CCAR1: variants seen among roughly 807,000 people sequenced by gnomAD.
CCAR1 encodes cell division cycle and apoptosis regulator protein 1.
Under a neutral mutation model 163.8 loss-of-function variants are expected in CCAR1, and 78 were observed. That is an observed-to-expected ratio of 0.48 (90% CI 0.40 to 0.57). The LOEUF is 0.57. CCAR1 is among the 20% of genes least tolerant of loss of function. The pLI is 0.00. For missense variants in CCAR1, 1,019 were observed against 1,365.2 expected, an observed-to-expected ratio of 0.75 and a Z score of 4.00; for synonymous variants, 443 against 460.7, an observed-to-expected ratio of 0.96 and a Z score of 0.49.
At chr10:68,766,417 G>A (rs942159654) in intron 17 of CCAR1, among the ~76,000 whole-genome samples, 16 of 151,868 alleles carry the variant, frequency 1.1e-4, no homozygotes, top group Non-Finnish European at 4.4e-5. Flanking sequence ...TGGCCAGCCT[G>A]GTCTCGAACT....
At chr10:68,768,188 G>C (rs1480405568) in intron 17 of CCAR1, among the ~76,000 whole-genome samples, 1 of 152,116 alleles carries the variant, frequency 6.6e-6, no homozygotes, top group Non-Finnish European at 1.5e-5. Flanking sequence ...ATGCTTATTG[G>C]TGTTTAAAAC....
intron 15 of CCAR1, chr10:68,759,352 C>T (rs1342356616): frequency 6.5e-6 from 1 of 152,990 alleles, no homozygotes; most frequent in African/African-American, 2.4e-5. Context: ...AAGCTGGAGC[C>T]TGCAGTGAAC....
chr10:68,789,633 G>T, intron 23 of CCAR1, 77 bp from the exon 24 acceptor site: 3 of 847,058 alleles, frequency 3.5e-6, no homozygotes, highest in Non-Finnish European at 5.5e-6. Flanking sequence ...TATTTTCACA[G>T]CTTAAATATT....
intron 5 of CCAR1, among the ~76,000 whole-genome samples, chr10:68,741,428 C>T (rs2056182748): frequency 6.6e-6 from 1 of 152,130 alleles, no homozygotes; most frequent in Non-Finnish European, 1.5e-5. Flanking sequence ...TTGTATCTTT[C>T]ACATACTCTT....
At chr10:68,728,535 C>A (rs1267793132) in intron 2 of CCAR1, among the ~76,000 whole-genome samples, 1 of 152,170 alleles carries the variant, frequency 6.6e-6, no homozygotes, top group Non-Finnish European at 1.5e-5. Flanking sequence ...AGGCTATTGC[C>A]AGGAGCACTA....
chr10:68,750,357 GATT>G (rs1319139679), intron 10 of CCAR1, among the ~76,000 whole-genome samples: 1 of 151,832 alleles, frequency 6.6e-6, no homozygotes, highest in Non-Finnish European at 1.5e-5. Flanking sequence ...TAGTAGCTGG[GATT>G]ACAGGTGCTC....
chr10:68,762,355 CAAAAA>C (rs11292488), intron 16 of CCAR1, among the ~76,000 whole-genome samples: 1 of 150,428 alleles, frequency 6.6e-6, no homozygotes, highest in Non-Finnish European at 1.5e-5. Flanking sequence ...AAAAAACAAA[CAAAAA>C]AAAAACAGTT....
Position 68,736,260 on chromosome 10 carries a change from A to T in CCAR1, c.74-616A>T, listed in dbSNP as rs114678743. 3.0e-3 allele frequency among the ~76,000 whole-genome samples: 457 copies of T among 152,334 alleles called. 1 individual carries two copies. The highest frequency in any genetic ancestry group is 0.011 in the African/African-American group (442 of 41,570). ...AATACCAAAGTTTTATAGATAATAT[A>T]TATAAAGTCTTGATGTATATATATG... On this transcript the variant is annotated intron_variant, in intron 2 of 24. Transcript: ENST00000265872.
At chr10:68,728,417 C>G (rs1054602812) in intron 2 of CCAR1, among the ~76,000 whole-genome samples, 1 of 151,410 alleles carries the variant, frequency 6.6e-6, no homozygotes, top group African/African-American at 2.4e-5. Flanking sequence ...CACTTTGTTG[C>G]CTAGGCTGGT....
Position 68,753,943 on chromosome 10 carries a change from G to C in CCAR1, c.1210G>C (p.Ala404Pro). ...FFDAQFTWVD[A>P]FPLSRPFQLG... ...TGATGCTCAATTTACATGGGTGGAT[G>C]CTTTCCCTTTGTCAAGACCATTTCA... is the stretch of plus-strand genomic sequence containing the variant. Residue 404 changes from alanine (A) to proline (P), a missense_variant, in exon 11 of 25, where the codon GCT (alanine) becomes CCT (proline). Physicochemically the swap from Ala to Pro is conservative, Grantham distance 27. Around this residue, in one of 4 missense-constraint regions of CCAR1, gnomAD observed 644 missense variants for 904.4 expected, o/e 0.71. Transcript: ENST00000265872. 6.2e-7 allele frequency: 1 copy of C among 1,613,930 alleles called. No individual in the cohort carries two copies. Among genetic ancestry groups the C allele is most frequent in the South Asian group, 1.1e-5 (1 of 91,072 alleles).
At chr10:68,781,902 T>C (rs1445830637) in intron 19 of CCAR1, among the ~76,000 whole-genome samples, 1 of 152,072 alleles carries the variant, frequency 6.6e-6, no homozygotes, top group African/African-American at 2.4e-5. Flanking sequence ...CCTTGGAGTG[T>C]TCAAGTGAAA....
In CCAR1 at chr10:68,749,201, C is replaced by G. The variant is rs375839952; in HGVS notation, c.892C>G (p.Pro298Ala). ...QPQPARRLDPPSRFSGRNDRG... is the reference protein window; with the variant it reads ...QPQPARRLDPASRFSGRNDRG... ...ACAACCGGCACGACGATTAGATCCC[C>G]CATCCCGATTTTCAGGAAGAAATGA... Residue 298 changes from proline (P) to alanine (A), a missense_variant, in exon 9 of 25, where the codon CCA becomes GCA. By Grantham distance (27) the Pro-to-Ala change is conservative (BLOSUM62 -1). This residue lies in a region of CCAR1 where 644 missense variants were observed against 904.4 expected (regional missense o/e 0.71). Coordinates refer to ENST00000265872, the MANE Select transcript of CCAR1 (RefSeq NM_018237.4). 1.9e-6 allele frequency: 3 copies of G among 1,613,456 alleles called. No homozygotes were observed. The highest frequency in any genetic ancestry group is 2.7e-5 in the African/African-American group (2 of 75,002).
intron 15 of CCAR1, chr10:68,759,460 C>T (rs1426274078): frequency 6.5e-6 from 1 of 153,690 alleles, no homozygotes; most frequent in Non-Finnish European, 1.5e-5. Flanking sequence ...GGGCACAATG[C>T]TTTATGCGTG....
chr10:68,746,882 C>G lies in CCAR1; in HGVS notation c.519-279C>G, dbSNP rs188700855. Among the ~76,000 whole-genome samples, 420 of 152,066 alleles carry G rather than the reference C, an allele frequency of 2.8e-3. 3 individuals carry two copies. The highest frequency in any genetic ancestry group is 9.4e-3 in the African/African-American group (392 of 41,530). ...CATGAACCACCACACCCAGCCCCAT[C>G]TACTTTTTTTATTATTATTATTATT... On this transcript the variant is annotated intron_variant, in intron 6 of 24. Coordinates refer to ENST00000265872, the MANE Select transcript of CCAR1 (RefSeq NM_018237.4).
At chr10:68,754,901 A>G (rs1197143974) in intron 12 of CCAR1, 74 bp downstream of exon 12, 1 of 791,458 alleles carries the variant, frequency 1.3e-6, no homozygotes, top group Non-Finnish European at 2.2e-6. Flanking sequence ...CATAAAATCT[A>G]AAGCCCTACA....
chr10:68,775,497 C>CTTTTTTTTTTTTTTTTTT (rs58856212), intron 19 of CCAR1, among the ~76,000 whole-genome samples: 2 of 117,986 alleles, frequency 1.7e-5, no homozygotes, highest in Non-Finnish European at 3.5e-5. Flanking sequence ...GCCTCATTTT[C>CTTTTTTTTTTTTTTTTTT]TTTTTTTTTT....
intron 19 of CCAR1, among the ~76,000 whole-genome samples, chr10:68,783,804 C>CTAGA (rs528112643): frequency 8.7e-4 from 131 of 151,204 alleles, no homozygotes; most frequent in African/African-American, 3.1e-3. Context: ...GTCGCCCAGG[C>CTAGA]TAGAGTGCAG....
At chr10:68,771,470 A>C in intron 18 of CCAR1, 25 bp downstream of exon 18, 1 of 1,545,246 alleles carries the variant, frequency 6.5e-7, no homozygotes, top group Non-Finnish European at 8.8e-7. Flanking sequence ...CCTGCTTTAG[A>C]AGCTTTCAGT....
At position 68,771,194 on chromosome 10, in the gene CCAR1, A is replaced by G. The variant is rs2056598152; in HGVS notation, c.2299-12A>G. ...GAAATTTGGCTAGGTTCATGTTGAT[A>G]TCTTTTTATAGGTTTCATTGTTTGC... On this transcript the variant is annotated splice_polypyrimidine_tract_variant and intron_variant, in intron 17 of 24. Transcript: ENST00000265872. The G allele has an allele frequency of 1.3e-6, 2 of 1,571,498 alleles. No individual in the cohort carries two copies. Among genetic ancestry groups the G allele is most frequent in the Non-Finnish European group, 1.7e-6 (2 of 1,165,344 alleles).
Sources: allele counts gnomAD v4.1 joint callset (sites outside exome capture counted in the v4.1 genomes callset), GRCh38; gene constraint gnomAD v4.1.1; regional missense constraint gnomAD v4.1.1; transcripts MANE v1.5; gene names NCBI Gene and HGNC (gene_info 2026-07-23, HGNC 2026-07-21).